Variants in PLCG2 observed in about 807,000 individuals in gnomAD.
The protein encoded by PLCG2 is phospholipase C gamma 2.
Under a neutral mutation model 175.6 loss-of-function variants are expected in PLCG2, and 69 were observed. The observed-to-expected ratio is 0.39, with a 90% CI of 0.32 to 0.48. The LOEUF is 0.48. Among genes scored for constraint, PLCG2 ranks in the 20% least tolerant of loss-of-function variants. PLCG2 has a pLI of 0.91. For missense variants in PLCG2, 1,798 were observed against 1,650.9 expected (o/e 1.09, Z -1.54); for synonymous variants, 827 against 624.0 (o/e 1.33, Z -4.85).
At chr16:81,845,079 C>G (rs1906043437) in intron 2 of PLCG2, among the ~76,000 whole-genome samples, 1 of 152,156 alleles carries the variant, frequency 6.6e-6, no homozygotes, top group African/African-American at 2.4e-5. Flanking sequence ...CCAGTGTGCA[C>G]CAGCACACTT....
rs1223373721 is a variant in PLCG2, at chr16:81,854,427, T to C, written c.194-17T>C. Reference sequence around the variant, plus strand: ...GGAACTCCAGCTTCTAATTGGCTCATGTTAATTTCATTTTAGTGGATATCA... The same window carrying C: ...GGAACTCCAGCTTCTAATTGGCTCACGTTAATTTCATTTTAGTGGATATCA... On this transcript the variant is annotated splice_polypyrimidine_tract_variant and intron_variant, in intron 2 of 32. Coordinates refer to ENST00000564138, the MANE Select transcript of PLCG2 (RefSeq NM_002661.5). 3.1e-6 allele frequency: 5 copies of C among 1,612,750 alleles called. No individual in the cohort carries two copies. Among genetic ancestry groups the C allele is most frequent in the African/African-American group, 1.3e-5 (1 of 74,882 alleles).
chr16:81,886,132 C>T (rs368940503), intron 9 of PLCG2, among the ~76,000 whole-genome samples: 7 of 152,174 alleles, frequency 4.6e-5, no homozygotes, highest in East Asian at 1.9e-4. Flanking sequence ...CAAGTAGCCT[C>T]GCATCCTAGA....
chr16:81,781,871 C>CGG (rs1910748877), intron 1 of PLCG2, among the ~76,000 whole-genome samples: 1 of 34,626 alleles, frequency 2.9e-5, no homozygotes, highest in Non-Finnish European at 5.5e-5. Flanking sequence ...CCTTTCCCCC[C>CGG]CCCCCCCCGC....
chr16:81,870,919 T>A lies in PLCG2; in HGVS notation c.632T>A (p.Phe211Tyr). ...QFHLFYKKLM[F>Y]EQQKSILDEF... ...CATCTCTTCTATAAAAAACTTATGTTTGAACAGCAAAAATCGGTAAGATGA... is the reference window on the plus strand; with the variant it reads ...CATCTCTTCTATAAAAAACTTATGTATGAACAGCAAAAATCGGTAAGATGA... The change falls in exon 7 of 33, where the codon TTT becomes TAT. Residue 211 changes from phenylalanine (F) to tyrosine (Y), a missense_variant. Physicochemically the swap from Phe to Tyr is conservative, Grantham distance 22. Coordinates refer to ENST00000564138, the MANE Select transcript of PLCG2 (RefSeq NM_002661.5). 6.3e-7 allele frequency: 1 copy of A among 1,583,990 alleles called. No individual in the cohort carries two copies. The highest frequency in any genetic ancestry group is 8.6e-7 in the Non-Finnish European group (1 of 1,157,482).
In PLCG2 at chr16:81,826,568, C is replaced by T. The variant is rs1905057947; in HGVS notation, c.194-27876C>T. On this transcript the variant is annotated intron_variant, in intron 2 of 32. Coordinates refer to ENST00000564138, the MANE Select transcript of PLCG2 (RefSeq NM_002661.5). ...GCACTTAGAATAACACATGTTCAGT[C>T]AGTGATAGTGGTGGTTGTTGGAGGA... is the stretch of plus-strand genomic sequence containing the variant. Among the ~76,000 whole-genome samples, 5 of 152,314 alleles carry T rather than the reference C, an allele frequency of 3.3e-5. No individual in the cohort carries two copies. In the South Asian group the frequency reaches 1.0e-3, roughly 32 times the overall value.
At position 81,895,753 on chromosome 16, in the gene PLCG2, C is replaced by A. The variant is rs1270336332; in HGVS notation, c.1073-54C>A. 9 of 1,605,936 alleles carry A rather than the reference C, an allele frequency of 5.6e-6. 1 individual carries two copies. In the African/African-American group the frequency reaches 8.0e-5, roughly 14 times the overall value. ...TGGTGTGTGGGCCGGGGGCTGACCTCGGGGCTGTCAGTGAACACACGTGGT... is the reference window on the plus strand; with the variant it reads ...TGGTGTGTGGGCCGGGGGCTGACCTAGGGGCTGTCAGTGAACACACGTGGT... On this transcript the variant is annotated intron_variant, in intron 12 of 32. Coordinates refer to ENST00000564138, the MANE Select transcript of PLCG2 (RefSeq NM_002661.5).
chr16:81,782,086 C>T (rs9944386), intron 1 of PLCG2, among the ~76,000 whole-genome samples: 75,608 of 151,772 alleles, frequency 0.5, 19,098 homozygotes, highest in South Asian at 0.7. Flanking sequence ...TCGTGTTAGC[C>T]AGGATGGTCT....
rs1015921594 is a variant in PLCG2 at position 81,942,922 on chromosome 16, T to A, written c.3481+2863T>A. 1.6e-3 allele frequency among the ~76,000 whole-genome samples: 249 copies of A among 151,112 alleles called. 3 individuals carry two copies. Among genetic ancestry groups the A allele is most frequent in the East Asian group, 3.9e-3 (20 of 5,186 alleles). ...ACAAGAAGAAGAAAAACAATTATTT[T>A]TTTTTTTTTTATACAAGGAGGGCTG... On this transcript the variant is annotated intron_variant, in intron 30 of 32. Coordinates refer to ENST00000564138, the MANE Select transcript of PLCG2 (RefSeq NM_002661.5).
chr16:81,866,342 G>T (rs1386024580), intron 5 of PLCG2, among the ~76,000 whole-genome samples: 1 of 129,126 alleles, frequency 7.7e-6, no homozygotes, highest in African/African-American at 3.1e-5. Flanking sequence ...GAGGACGCTG[G>T]CCTCTCCCTT....
intron 14 of PLCG2, among the ~76,000 whole-genome samples, chr16:81,901,921 A>T (rs1425967020): frequency 6.6e-6 from 1 of 152,208 alleles, no homozygotes; most frequent in East Asian, 1.9e-4. Flanking sequence ...TATTATTCTG[A>T]GAAAAGGGTC....
chr16:81,785,496 ATTTTT>A (rs10555890), intron 1 of PLCG2, among the ~76,000 whole-genome samples: 2,592 of 147,360 alleles, frequency 0.018, 70 homozygotes, highest in African/African-American at 0.058. Context: ...CGTTTATTTC[ATTTTT>A]TTTTTTTTTT....
At chr16:81,799,891 C>A (rs1472151863) in intron 2 of PLCG2, among the ~76,000 whole-genome samples, 1 of 152,182 alleles carries the variant, frequency 6.6e-6, no homozygotes, top group Non-Finnish European at 1.5e-5. Flanking sequence ...CTGAGCCCAG[C>A]CTGTTATTAA....
At chr16:81,946,644 C>G (rs796585450) in intron 31 of PLCG2, among the ~76,000 whole-genome samples, 9 of 152,228 alleles carry the variant, frequency 5.9e-5, no homozygotes, top group African/African-American at 2.2e-4. Context: ...GTCTGATAGC[C>G]TCCAATCAAG....
At chr16:81,865,526 C>A (rs535477641) in intron 5 of PLCG2, among the ~76,000 whole-genome samples, 1 of 152,192 alleles carries the variant, frequency 6.6e-6, no homozygotes, top group South Asian at 2.1e-4. Flanking sequence ...GATGCTCAAG[C>A]CCCTGGTTCC....
At chr16:81,893,848 A>G (rs1315417810) in intron 12 of PLCG2, 54 bp downstream of exon 12, 2 of 1,099,136 alleles carry the variant, frequency 1.8e-6, no homozygotes, top group African/African-American at 1.5e-5. Flanking sequence ...GAGGATAACC[A>G]TGTGGTTGCT....
chr16:81,883,559 C>G (rs1235005417), intron 9 of PLCG2: 3 of 587,264 alleles, frequency 5.1e-6, no homozygotes, highest in South Asian at 4.0e-5. Flanking sequence ...TGAGAAGAGC[C>G]TCATGTCGGG....
intron 26 of PLCG2, among the ~76,000 whole-genome samples, chr16:81,935,096 AAAC>A (rs1364403872): frequency 5.9e-5 from 9 of 152,288 alleles, no homozygotes; most frequent in Non-Finnish European, 7.4e-5. Context: ...TGGTGGCTGA[AAAC>A]AACATTTATT....
At chr16:81,780,164 A>C (rs141892788) in intron 1 of PLCG2, among the ~76,000 whole-genome samples, 2 of 152,124 alleles carry the variant, frequency 1.3e-5, no homozygotes, top group East Asian at 1.9e-4. Context: ...GGGGTGGTAA[A>C]GGGGTGACAT....
At chr16:81,801,688 T>A (rs73589225) in intron 2 of PLCG2, among the ~76,000 whole-genome samples, 225 of 152,312 alleles carry the variant, frequency 1.5e-3, no homozygotes, top group African/African-American at 5.2e-3. Flanking sequence ...TTCTTTAATT[T>A]TTTTTTTCTT....
Sources: allele counts gnomAD v4.1 joint callset (sites outside exome capture counted in the v4.1 genomes callset), GRCh38; gene constraint gnomAD v4.1.1; transcripts MANE v1.5; gene names NCBI Gene and HGNC (gene_info 2026-07-23, HGNC 2026-07-21).